Variants in NCKAP5 observed in about 807,000 individuals in gnomAD.
The protein encoded by NCKAP5 is NCK associated protein 5.
A neutral mutation model predicts 167.0 loss-of-function variants in NCKAP5; 92 were observed. The observed-to-expected ratio is 0.55, with a 90% CI of 0.47 to 0.66. The LOEUF is 0.66. Among genes scored for constraint, NCKAP5 ranks in the 30% least tolerant of loss-of-function variants. The pLI is 0.00. For synonymous variants in NCKAP5, 891 were observed against 877.4 expected (o/e 1.02, Z -0.27); for missense variants, 2,378 against 2,315.0 (o/e 1.03, Z -0.56).
intron 5 of NCKAP5, among the ~76,000 whole-genome samples, chr2:133,168,453 C>G (rs1239581974): frequency 6.6e-6 from 1 of 152,050 alleles, no homozygotes; most frequent in African/African-American, 2.4e-5. Context: ...ATTATACAGA[C>G]TCTCAAAACC....
chr2:133,331,641 T>C (rs1415399886), intron 3 of NCKAP5, among the ~76,000 whole-genome samples: 1 of 152,188 alleles, frequency 6.6e-6, no homozygotes, highest in African/African-American at 2.4e-5. Flanking sequence ...CTTAAGGGCA[T>C]AAACAGCCAA....
intron 11 of NCKAP5, among the ~76,000 whole-genome samples, chr2:132,799,340 C>A (rs2105187761): frequency 6.6e-6 from 1 of 152,084 alleles, no homozygotes; most frequent in Non-Finnish European, 1.5e-5. Flanking sequence ...ATCCAAAACC[C>A]AGCATCATGC....
chr2:133,646,221 CAGAT>C, the NCKAP5 span, among the ~76,000 whole-genome samples: 1 of 151,872 alleles, frequency 6.6e-6, no homozygotes, highest in African/African-American at 2.4e-5. Flanking sequence ...ATTTTGAAAA[CAGAT>C]AATGTAAACA....
Position 132,864,978 on chromosome 2 carries a change from C to A in NCKAP5, c.687+3958G>T, listed in dbSNP as rs185102607. 2.0e-5 allele frequency among the ~76,000 whole-genome samples: 3 copies of A among 152,274 alleles called. No homozygotes were observed. The East Asian group carries it at 5.8e-4, about 29-fold the overall frequency. ...TCTGTTCAAAACACTGTATCTCTCACTAGCTTCATGGGATGTCTTTTCGAG... is the reference window on the plus strand; with the variant it reads ...TCTGTTCAAAACACTGTATCTCTCAATAGCTTCATGGGATGTCTTTTCGAG... On this transcript the variant is annotated intron_variant, in intron 10 of 19. Coordinates refer to ENST00000409261, the MANE Select transcript of NCKAP5 (RefSeq NM_207363.3).
Position 133,044,942 on chromosome 2 carries a change from C to T in NCKAP5, c.342-50703G>A, listed in dbSNP as rs999278142. ...TGTTGGTGTACATCTGTAGTACCAC[C>T]TACTTGAGAGGCTGAGGCAGGAGGA... On this transcript the variant is annotated intron_variant, in intron 6 of 19. Coordinates refer to ENST00000409261, the MANE Select transcript of NCKAP5 (RefSeq NM_207363.3). Among the ~76,000 whole-genome samples the T allele has an allele frequency of 1.4e-4, 22 of 151,940 alleles. No individual in the cohort carries two copies. The South Asian group carries it at 1.9e-3, about 13-fold the overall frequency.
intron 19 of NCKAP5, among the ~76,000 whole-genome samples, chr2:132,694,543 C>T (rs1687128913): frequency 6.6e-6 from 1 of 152,150 alleles, no homozygotes. Context: ...TTTGAAAATG[C>T]TGGAATTAGG....
chr2:133,210,800 T>C (rs1460573154), intron 5 of NCKAP5, among the ~76,000 whole-genome samples: 1 of 152,122 alleles, frequency 6.6e-6, no homozygotes, highest in Admixed American at 6.6e-5. Flanking sequence ...TCAGGGCTCA[T>C]GGTGTCTCCA....
chr2:133,475,869 C>T (rs1679836617), intron 3 of NCKAP5, among the ~76,000 whole-genome samples: 2 of 152,288 alleles, frequency 1.3e-5, no homozygotes, highest in South Asian at 2.1e-4. Flanking sequence ...CACATACATG[C>T]AATTAATCAC....
chr2:133,374,122 T>C (rs1443545999), intron 3 of NCKAP5, among the ~76,000 whole-genome samples: 1 of 152,224 alleles, frequency 6.6e-6, no homozygotes, highest in Non-Finnish European at 1.5e-5. Context: ...TGTTTCTCCA[T>C]AGGTGAACGG....
intron 5 of NCKAP5, among the ~76,000 whole-genome samples, chr2:133,138,181 G>A (rs1310503970): frequency 6.6e-6 from 1 of 151,924 alleles, no homozygotes; most frequent in Admixed American, 6.6e-5. Context: ...AAAGAAGGGG[G>A]GGTACTATGA....
At chr2:133,599,710 G>A in the NCKAP5 span, among the ~76,000 whole-genome samples, 11 of 152,222 alleles carry the variant, frequency 7.2e-5, no homozygotes, top group Non-Finnish European at 2.9e-5. Context: ...GGATCCTGAG[G>A]TGCTGGGAGG....
intron 10 of NCKAP5, among the ~76,000 whole-genome samples, chr2:132,863,353 T>G (rs1032994325): frequency 2.6e-5 from 4 of 151,130 alleles, no homozygotes; most frequent in Non-Finnish European, 5.9e-5. Flanking sequence ...AAGCATACAG[T>G]GTGGATATGC....
the NCKAP5 span, among the ~76,000 whole-genome samples, chr2:133,643,275 T>G: frequency 2.0e-5 from 3 of 152,222 alleles, no homozygotes; most frequent in Non-Finnish European, 4.4e-5. Context: ...CATGTAAGTC[T>G]TCCTTACTCT....
At chr2:133,644,203 A>G in the NCKAP5 span, among the ~76,000 whole-genome samples, 1 of 152,288 alleles carries the variant, frequency 6.6e-6, no homozygotes, top group Non-Finnish European at 1.5e-5. Flanking sequence ...CCTCATTAAC[A>G]AGTGTGCCTC....
intron 5 of NCKAP5, among the ~76,000 whole-genome samples, chr2:133,190,567 C>A (rs2085169161): frequency 6.6e-6 from 1 of 152,144 alleles, no homozygotes; most frequent in South Asian, 2.1e-4. Flanking sequence ...GGTACCAAAA[C>A]AGAGATATAG....
chr2:133,111,178 A>C (rs1461357126), intron 6 of NCKAP5, among the ~76,000 whole-genome samples: 1 of 152,218 alleles, frequency 6.6e-6, no homozygotes, highest in African/African-American at 2.4e-5. Context: ...GTAAGAGGAA[A>C]GAGAGAAGCC....
At chr2:133,455,874 G>A (rs1373517830) in intron 3 of NCKAP5, among the ~76,000 whole-genome samples, 1 of 152,088 alleles carries the variant, frequency 6.6e-6, no homozygotes, top group African/African-American at 2.4e-5. Flanking sequence ...GCCGTGGTTA[G>A]ATGTAAATAA....
At chr2:133,003,956 G>T (rs779917705) in intron 6 of NCKAP5, among the ~76,000 whole-genome samples, 11 of 152,204 alleles carry the variant, frequency 7.2e-5, no homozygotes, top group Non-Finnish European at 1.6e-4. Context: ...GGAGAGGGCA[G>T]GGAAGCAGAG....
Position 132,821,735 on chromosome 2 carries a change from G to A in NCKAP5, c.808-25006C>T, listed in dbSNP as rs953830038. On this transcript the variant is annotated intron_variant, in intron 11 of 19. Coordinates refer to ENST00000409261, the MANE Select transcript of NCKAP5 (RefSeq NM_207363.3). ...GACCCACCTCACCAACTGCCTGGGAGCTGGGTGAGGCTATCCCCCACTTCC... is the reference window on the plus strand; with the variant it reads ...GACCCACCTCACCAACTGCCTGGGAACTGGGTGAGGCTATCCCCCACTTCC... Among the ~76,000 whole-genome samples the A allele has an allele frequency of 3.3e-5, 5 of 152,260 alleles. No individual in the cohort carries two copies. The East Asian group carries it at 7.7e-4, about 24-fold the overall frequency.
Sources: gnomAD v4.1 joint callset for allele counts (sites outside exome capture counted in the v4.1 genomes callset) on GRCh38, gnomAD v4.1.1 for gene constraint, MANE v1.5 for transcripts, NCBI Gene and HGNC (gene_info 2026-07-23, HGNC 2026-07-21) for gene names.